Variants in CPEB3 observed in about 807,000 individuals in gnomAD.
CPEB3 encodes the protein cytoplasmic polyadenylation element-binding protein 3.
In CPEB3, 20 loss-of-function variants were observed where a neutral mutation model predicts 67.2. The ratio of observed to expected loss-of-function variants is 0.30; its 90% CI spans 0.21 to 0.43. CPEB3 has a LOEUF of 0.43. CPEB3 is among the 20% of genes least tolerant of loss of function. The pLI is 1.00. For missense variants in CPEB3, 746 were observed against 968.6 expected (o/e 0.77, Z 3.05); for synonymous variants, 376 against 393.1 (o/e 0.96, Z 0.51).
At chr10:92,139,588 A>G (rs1340238353) in intron 6 of CPEB3, among the ~76,000 whole-genome samples, 4 of 150,480 alleles carry the variant, frequency 2.7e-5, no homozygotes, top group African/African-American at 1.0e-4. Flanking sequence ...GTACAAAAAC[A>G]TAATTAGATG....
chr10:92,237,823 C>G (rs1851612724), intron 2 of CPEB3, among the ~76,000 whole-genome samples: 1 of 152,132 alleles, frequency 6.6e-6, no homozygotes, highest in Admixed American at 6.5e-5. Context: ...TCCCACCTTG[C>G]AACATCTCAT....
At chr10:92,283,095 A>G (rs1329477575) in intron 1 of CPEB3, among the ~76,000 whole-genome samples, 8 of 152,166 alleles carry the variant, frequency 5.3e-5, no homozygotes, top group African/African-American at 7.2e-5. Flanking sequence ...TACAAAAAAT[A>G]CAAAATATTA....
chr10:92,164,661 G>T (rs1847651775), intron 4 of CPEB3, among the ~76,000 whole-genome samples: 1 of 152,052 alleles, frequency 6.6e-6, no homozygotes, highest in South Asian at 2.1e-4. Flanking sequence ...TCATAGTATG[G>T]ACAAACTACA....
At chr10:92,119,292 C>G (rs796838162) in intron 6 of CPEB3, 1 of 1,497,924 alleles carries the variant, frequency 6.7e-7, no homozygotes, top group African/African-American at 1.4e-5. Flanking sequence ...ACTTTCAGAT[C>G]CCCTTGGAGC....
intron 6 of CPEB3, among the ~76,000 whole-genome samples, chr10:92,133,267 G>T: frequency 1.3e-5 from 2 of 152,002 alleles, no homozygotes; most frequent in Non-Finnish European, 2.9e-5. Flanking sequence ...TTGATAGACT[G>T]CTAGCAAGAC....
intron 1 of CPEB3, among the ~76,000 whole-genome samples, chr10:92,262,064 T>A (rs193121772): frequency 1.2e-4 from 18 of 152,342 alleles, no homozygotes; most frequent in African/African-American, 4.3e-4. Context: ...GGCATAGCTG[T>A]AATCTGAAGT....
intron 6 of CPEB3, 34 bp downstream of exon 6, chr10:92,142,995 C>T: frequency 1.4e-6 from 2 of 1,469,592 alleles, no homozygotes; most frequent in Non-Finnish European, 1.9e-6. Flanking sequence ...ATCTCTCCAA[C>T]AGGCAAGCAG....
chr10:92,224,101 T>C (rs1449559585), intron 2 of CPEB3, among the ~76,000 whole-genome samples: 10 of 151,996 alleles, frequency 6.6e-5, no homozygotes, highest in East Asian at 1.9e-4. Flanking sequence ...GGTTTCACCA[T>C]GTTGGCCAAG....
intron 7 of CPEB3, among the ~76,000 whole-genome samples, chr10:92,092,730 A>G (rs1048779823): frequency 2.6e-5 from 4 of 152,080 alleles, no homozygotes; most frequent in Admixed American, 2.0e-4. Flanking sequence ...CAGTGAGCCG[A>G]GATCACGCCA....
At chr10:92,134,369 A>C (rs1406773458) in intron 6 of CPEB3, among the ~76,000 whole-genome samples, 3 of 151,978 alleles carry the variant, frequency 2.0e-5, no homozygotes. Context: ...CCTATATACC[A>C]ATATCAGACA....
intron 6 of CPEB3, among the ~76,000 whole-genome samples, chr10:92,134,367 C>T (rs192622010): frequency 3.3e-5 from 5 of 151,858 alleles, no homozygotes; most frequent in Non-Finnish European, 1.5e-5. Flanking sequence ...TTCCTATATA[C>T]CAATATCAGA....
chr10:92,253,919 T>C (rs1399239041), intron 1 of CPEB3, among the ~76,000 whole-genome samples: 1 of 151,644 alleles, frequency 6.6e-6, no homozygotes, highest in Non-Finnish European at 1.5e-5. Context: ...ATGTAAAGAT[T>C]TGAGTTTGTA....
intron 6 of CPEB3, chr10:92,119,150 C>A: frequency 6.3e-7 from 1 of 1,582,344 alleles, no homozygotes; most frequent in Non-Finnish European, 8.7e-7. Context: ...CTCTGTAGGG[C>A]CGGCAGCCAT....
intron 1 of CPEB3, among the ~76,000 whole-genome samples, chr10:92,251,994 G>A (rs777902656): frequency 2.0e-5 from 3 of 149,856 alleles, no homozygotes; most frequent in Non-Finnish European, 4.4e-5. Flanking sequence ...AAGTAAGACA[G>A]TATTCGAATA....
chr10:92,241,860 G>A (rs1851865280), intron 1 of CPEB3, among the ~76,000 whole-genome samples: 2 of 152,156 alleles, frequency 1.3e-5, no homozygotes, highest in Admixed American at 6.5e-5. Flanking sequence ...ATTTTTAGAT[G>A]ATGATTCAGT....
intron 2 of CPEB3, among the ~76,000 whole-genome samples, chr10:92,201,463 C>T (rs1481688212): frequency 3.3e-5 from 5 of 152,084 alleles, no homozygotes; most frequent in South Asian, 2.1e-4. Context: ...GGGAGGCAGA[C>T]GCTACAGTGA....
At chr10:92,113,942 A>G (rs938381377) in intron 6 of CPEB3, among the ~76,000 whole-genome samples, 3 of 152,240 alleles carry the variant, frequency 2.0e-5, no homozygotes, top group Admixed American at 1.3e-4. Context: ...TTCCCAGGAA[A>G]TGGTCCATAA....
intron 1 of CPEB3, among the ~76,000 whole-genome samples, chr10:92,257,728 CTTTTTTT>C (rs11418720): frequency 7.6e-6 from 1 of 130,734 alleles, no homozygotes; most frequent in South Asian, 2.4e-4. Context: ...GACCTCAACT[CTTTTTTT>C]TTTTTTTTTT....
At chr10:92,122,784 A>G (rs1434408761) in intron 6 of CPEB3, among the ~76,000 whole-genome samples, 1 of 152,258 alleles carries the variant, frequency 6.6e-6, no homozygotes, top group African/African-American at 2.4e-5. Context: ...CACAGGGGCC[A>G]GACCTTAATG....
Sources: allele counts gnomAD v4.1 joint callset (sites outside exome capture counted in the v4.1 genomes callset), GRCh38; gene constraint gnomAD v4.1.1; transcripts MANE v1.5; gene names NCBI Gene and HGNC (gene_info 2026-07-23, HGNC 2026-07-21).